The following CLIC5 variants were observed in gnomAD, a reference collection of about 807,000 sequenced individuals.
CLIC5 encodes chloride intracellular channel protein 5.
A neutral mutation model predicts 24.7 loss-of-function variants in CLIC5; 20 were observed. That is an observed-to-expected ratio of 0.81 (90% CI 0.57 to 1.18). The LOEUF is 1.18. Among genes scored for constraint, CLIC5 ranks in the 50% most tolerant of loss-of-function variants. The pLI is 0.00. For missense variants in CLIC5, 341 were observed against 326.1 expected (o/e 1.05, Z -0.35); for synonymous variants, 159 against 135.6 (o/e 1.17, Z -1.20).
At chr6:45,895,046 T>C (rs1762381845), downstream of CLIC5, among the ~76,000 whole-genome samples, 1 of 152,196 alleles carries the variant, frequency 6.6e-6, no homozygotes, top group South Asian at 2.1e-4. Flanking sequence ...TTTATATTCC[T>C]ATCTCACTAG....
At chr6:45,992,412 G>A (rs1441869731) in intron 1 of CLIC5, among the ~76,000 whole-genome samples, 1 of 152,172 alleles carries the variant, frequency 6.6e-6, no homozygotes, top group African/African-American at 2.4e-5. Flanking sequence ...AAGAATGACA[G>A]TTTATTTTAA....
At chr6:45,936,222 G>A (rs1231977826) in intron 4 of CLIC5, among the ~76,000 whole-genome samples, 1 of 30,238 alleles carries the variant, frequency 3.3e-5, no homozygotes, top group Admixed American at 3.3e-4. Flanking sequence ...TTTTTTTTTT[G>A]AGATGGAGTT....
At chr6:45,886,694 ATGGGTATCTTC>A (rs1459394074) in intron 6 of CLIC5, among the ~76,000 whole-genome samples, 1 of 152,188 alleles carries the variant, frequency 6.6e-6, no homozygotes, top group Admixed American at 6.5e-5. Flanking sequence ...GGTTTTGAAA[ATGGGTATCTTC>A]TGCCTTTAGT....
At chr6:46,084,596 T>G (rs563619332), upstream of CLIC5, among the ~76,000 whole-genome samples, 1,074 of 152,336 alleles carry the variant, frequency 7.1e-3, 4 homozygotes, top group Admixed American at 0.014. Context: ...ATGTTGAATA[T>G]TGGCCCCCAC....
rs757670567 is a variant in CLIC5 at position 46,015,515 on chromosome 6, C to T, written c.28G>A (p.Asp10Asn). The T allele has an allele frequency of 9.6e-5, 151 of 1,577,034 alleles. No homozygotes were observed. The highest frequency in any genetic ancestry group is 1.2e-4 in the Non-Finnish European group (134 of 1,163,094). Residue 10 changes from aspartate (D) to asparagine (N), a missense_variant, in exon 1 of 6, where the codon GAC (aspartate) becomes AAC (asparagine). By Grantham distance (23) the Asp-to-Asn change is conservative (BLOSUM62 1). Coordinates refer to ENST00000339561, the MANE Select transcript of CLIC5 (RefSeq NM_016929.5). MTDSATANG[D>N]DRDPEIELFV... is the part of the protein sequence containing the mutation. ...AGCTCGATCTCGGGGTCCCTGTCGT[C>T]CCCGTTAGCTGTCGCCGAGTCTGTC...
chr6:46,006,067 AAT>A (rs1319234426), intron 1 of CLIC5, among the ~76,000 whole-genome samples: 1 of 119,542 alleles, frequency 8.4e-6, no homozygotes, highest in African/African-American at 3.3e-5. Context: ...TACATGTATA[AAT>A]ATATATATAC....
upstream of CLIC5, among the ~76,000 whole-genome samples, chr6:46,081,911 C>T (rs765181422): frequency 5.3e-5 from 8 of 152,144 alleles, no homozygotes; most frequent in Non-Finnish European, 1.2e-4. Context: ...CACACTGTCC[C>T]TTCCCTGCTC....
chr6:46,086,890 A>T, the CLIC5 span, among the ~76,000 whole-genome samples: 1 of 152,120 alleles, frequency 6.6e-6, no homozygotes, highest in South Asian at 2.1e-4. Flanking sequence ...CCACTCTCCC[A>T]TCTACCTCTC....
chr6:46,004,590 T>G (rs536073719), intron 1 of CLIC5, among the ~76,000 whole-genome samples: 8 of 152,318 alleles, frequency 5.3e-5, no homozygotes, highest in African/African-American at 1.9e-4. Flanking sequence ...GTTGGTAGGT[T>G]GTTGTTTCAG....
At chr6:46,103,795 T>C in the CLIC5 span, among the ~76,000 whole-genome samples, 1 of 152,210 alleles carries the variant, frequency 6.6e-6, no homozygotes. Context: ...CTTTGGCTCC[T>C]ACTGTTTTGT....
chr6:46,126,505 A>C, the CLIC5 span, among the ~76,000 whole-genome samples: 1 of 152,174 alleles, frequency 6.6e-6, no homozygotes, highest in Non-Finnish European at 1.5e-5. Context: ...TTTTTAAAGG[A>C]GCACTTAAAA....
downstream of CLIC5, among the ~76,000 whole-genome samples, chr6:45,894,918 T>A (rs1207080484): frequency 6.6e-6 from 1 of 152,156 alleles, no homozygotes; most frequent in Non-Finnish European, 1.5e-5. Context: ...TTTTGTCTGG[T>A]CCTAGTATTG....
At chr6:46,010,696 C>A (rs766257932) in intron 1 of CLIC5, among the ~76,000 whole-genome samples, 10 of 152,210 alleles carry the variant, frequency 6.6e-5, no homozygotes, top group Non-Finnish European at 1.3e-4. Flanking sequence ...TCATTCCCAC[C>A]ACCCTGCCAT....
At chr6:46,067,678 G>T (rs565158218) in intron 1 of CLIC5, among the ~76,000 whole-genome samples, 4 of 152,146 alleles carry the variant, frequency 2.6e-5, no homozygotes, top group South Asian at 4.1e-4. Context: ...AGCACTCAGC[G>T]TACTGGCTTT....
chr6:46,099,276 GA>G, the CLIC5 span, among the ~76,000 whole-genome samples: 1 of 152,214 alleles, frequency 6.6e-6, no homozygotes, highest in Non-Finnish European at 1.5e-5. Context: ...GAAAAGGGCA[GA>G]AAAATTACCA....
At chr6:45,920,496 G>C (rs1367022437) in intron 4 of CLIC5, 2 of 308,904 alleles carry the variant, frequency 6.5e-6, no homozygotes, top group Non-Finnish European at 9.4e-6. Context: ...GGTGGTTTGA[G>C]AAAGACCATG....
chr6:45,909,110 T>C (rs1157738207), intron 5 of CLIC5, among the ~76,000 whole-genome samples: 1 of 152,236 alleles, frequency 6.6e-6, no homozygotes, highest in East Asian at 1.9e-4. Flanking sequence ...ACCCCTGCTC[T>C]TTTTTATGTT....
At chr6:45,973,346 C>A (rs1765266703) in intron 1 of CLIC5, among the ~76,000 whole-genome samples, 1 of 152,212 alleles carries the variant, frequency 6.6e-6, no homozygotes, top group African/African-American at 2.4e-5. Flanking sequence ...TAGCAGTCTG[C>A]CTCTGTGCAA....
At chr6:46,006,045 TAA>T (rs1352173107) in intron 1 of CLIC5, among the ~76,000 whole-genome samples, 5 of 139,776 alleles carry the variant, frequency 3.6e-5, no homozygotes, top group African/African-American at 1.3e-4. Flanking sequence ...TATACATGTA[TAA>T]ATATATATAT....
Sources: allele counts gnomAD v4.1 joint callset (sites outside exome capture counted in the v4.1 genomes callset), GRCh38; gene constraint gnomAD v4.1.1; transcripts MANE v1.5; gene names NCBI Gene and HGNC (gene_info 2026-07-23, HGNC 2026-07-21).